Variants in IGSF21 observed in about 807,000 individuals in gnomAD.
IGSF21 encodes the protein immunoglobin superfamily member 21.
A neutral mutation model predicts 46.8 loss-of-function variants in IGSF21; 28 were observed. That is an observed-to-expected ratio of 0.60 (90% CI 0.44 to 0.82). IGSF21 has a LOEUF of 0.82. Ranked by LOEUF, IGSF21 falls within the 40% of genes least tolerant of loss-of-function variation. IGSF21 has a pLI of 0.00. For synonymous variants in IGSF21, 284 were observed against 273.6 expected (o/e 1.04, Z -0.38); for missense variants, 624 against 665.5 (o/e 0.94, Z 0.69).
At chr1:18,259,662 C>G (rs977974416) in intron 2 of IGSF21, among the ~76,000 whole-genome samples, 1 of 152,042 alleles carries the variant, frequency 6.6e-6, no homozygotes, top group African/African-American at 2.4e-5. Flanking sequence ...GGATGAGGCT[C>G]AAGGAGGAAG....
chr1:18,205,822 C>T (rs768056600), intron 1 of IGSF21, among the ~76,000 whole-genome samples: 24 of 152,196 alleles, frequency 1.6e-4, no homozygotes, highest in Non-Finnish European at 2.9e-4. Context: ...ATTCTACCTA[C>T]GGGGTTCTTT....
At chr1:18,278,927 T>C (rs2085131479) in intron 2 of IGSF21, 2 of 471,352 alleles carry the variant, frequency 4.2e-6, no homozygotes, top group African/African-American at 2.0e-5. Flanking sequence ...TTTTACACTT[T>C]CCTGCATGTT....
chr1:18,132,258 A>G (rs1045957802), intron 1 of IGSF21, among the ~76,000 whole-genome samples: 3 of 152,150 alleles, frequency 2.0e-5, no homozygotes, highest in Non-Finnish European at 4.4e-5. Context: ...ATGACCTATG[A>G]CAAACACACT....
At chr1:18,229,091 A>G (rs2084598761) in intron 2 of IGSF21, among the ~76,000 whole-genome samples, 1 of 152,206 alleles carries the variant, frequency 6.6e-6, no homozygotes, top group South Asian at 2.1e-4. Context: ...GACTTGGTTC[A>G]TGGGCTATAG....
intron 1 of IGSF21, chr1:18,115,143 C>A (rs1000953031): frequency 6.6e-6 from 1 of 152,574 alleles, no homozygotes; most frequent in Non-Finnish European, 1.5e-5. Context: ...CATCCTCCAC[C>A]TCCTCCCCCA....
Position 18,335,727 on chromosome 1 carries a change from C to T in IGSF21, c.424+717C>T, listed in dbSNP as rs546520311. ...TCTCCGGTTTTCTTATCAAATAATA[C>T]GTATCAGGGAAACAAAGCTTGCGGT... On this transcript the variant is annotated intron_variant, in intron 4 of 9. Coordinates refer to ENST00000251296, the MANE Select transcript of IGSF21 (RefSeq NM_032880.5). This position sits in a 1 kb window ranked among gnomAD's most constrained non-coding sequence, Gnocchi z 4.8. 1.1e-4 allele frequency among the ~76,000 whole-genome samples: 16 copies of T among 152,252 alleles called. No individual in the cohort carries two copies. The highest frequency in any genetic ancestry group is 4.2e-4 in the South Asian group (2 of 4,816).
At chr1:18,185,527 G>T (rs894560377) in intron 1 of IGSF21, among the ~76,000 whole-genome samples, 1 of 152,224 alleles carries the variant, frequency 6.6e-6, no homozygotes, top group African/African-American at 2.4e-5. Context: ...GCTGCAGGTT[G>T]TGCAGCCTAT....
chr1:18,231,082 G>A (rs1357824554), intron 2 of IGSF21, among the ~76,000 whole-genome samples: 1 of 152,186 alleles, frequency 6.6e-6, no homozygotes, highest in African/African-American at 2.4e-5. Flanking sequence ...GCCCAGTCAG[G>A]ACTGTGGCTC....
At chr1:18,239,011 G>T (rs1376781170) in intron 2 of IGSF21, among the ~76,000 whole-genome samples, 3 of 152,156 alleles carry the variant, frequency 2.0e-5, no homozygotes, top group Admixed American at 6.5e-5. Context: ...TGCCTCCCAG[G>T]TCAGGGCACC....
chr1:18,341,118 CCTT>C (rs1286554239), intron 4 of IGSF21, among the ~76,000 whole-genome samples: 126 of 147,836 alleles, frequency 8.5e-4, no homozygotes, highest in Middle Eastern at 3.4e-3. Flanking sequence ...CCCTCCTTCT[CCTT>C]CTTCTTCTCT....
intron 9 of IGSF21, among the ~76,000 whole-genome samples, 158 bp downstream of exon 9, chr1:18,377,589 G>T (rs1408665529): frequency 2.0e-5 from 3 of 152,150 alleles, no homozygotes; most frequent in Non-Finnish European, 4.4e-5. Flanking sequence ...AGGGTCCAAA[G>T]TGGGCAGAGG....
At chr1:18,347,593 G>C (rs544219362) in intron 4 of IGSF21, among the ~76,000 whole-genome samples, 11 of 152,324 alleles carry the variant, frequency 7.2e-5, no homozygotes, top group African/African-American at 2.6e-4. Flanking sequence ...AGGAAGGCTA[G>C]AGTTTGAATC....
At chr1:18,327,413 C>T (rs536461173) in intron 3 of IGSF21, among the ~76,000 whole-genome samples, 1 of 152,264 alleles carries the variant, frequency 6.6e-6, no homozygotes, top group East Asian at 1.9e-4. Context: ...CACACAGCAC[C>T]TCTCCCTGGG....
rs547385074 is a variant in IGSF21 at position 18,214,119 on chromosome 1, A to G, written c.71-13779A>G. Among the ~76,000 whole-genome samples, 21 of 152,366 alleles carry G rather than the reference A, an allele frequency of 1.4e-4. 1 individual carries two copies. In the South Asian group the frequency reaches 4.3e-3, roughly 32 times the overall value. On this transcript the variant is annotated intron_variant, in intron 1 of 9. Coordinates refer to ENST00000251296, the MANE Select transcript of IGSF21 (RefSeq NM_032880.5). ...CATATTAATAATAAATAAACAAACT[A>G]ATGATAAATAATACATACATCATGA... is the stretch of plus-strand genomic sequence containing the variant.
chr1:18,283,855 C>G (rs989325703), intron 2 of IGSF21, among the ~76,000 whole-genome samples: 7 of 152,286 alleles, frequency 4.6e-5, no homozygotes, highest in African/African-American at 1.7e-4. Flanking sequence ...CATCCCTTCT[C>G]TGGCCATGGG....
intron 2 of IGSF21, among the ~76,000 whole-genome samples, chr1:18,255,747 T>G (rs1238057348): frequency 2.0e-5 from 3 of 152,150 alleles, no homozygotes; most frequent in African/African-American, 7.2e-5. Flanking sequence ...CCAAGTCTTG[T>G]CAATTCCACT....
At chr1:18,376,504 C>A in intron 7 of IGSF21, 109 bp downstream of exon 7, 2 of 858,104 alleles carry the variant, frequency 2.3e-6, no homozygotes, top group Non-Finnish European at 4.0e-6. Context: ...TGATCCCCAG[C>A]CACATCCAGT....
chr1:18,299,592 A>C (rs2124573543), intron 3 of IGSF21, among the ~76,000 whole-genome samples: 1 of 152,298 alleles, frequency 6.6e-6, no homozygotes, highest in Admixed American at 6.5e-5. Context: ...ACCACTCAGC[A>C]AACACACGTT....
chr1:18,249,267 G>A (rs895651588), intron 2 of IGSF21, among the ~76,000 whole-genome samples: 7 of 152,152 alleles, frequency 4.6e-5, no homozygotes, highest in South Asian at 2.1e-4. Flanking sequence ...GAGGGTGGGA[G>A]GTGTAAGGAC....
Sources: gnomAD v4.1 joint callset for allele counts (sites outside exome capture counted in the v4.1 genomes callset) on GRCh38, gnomAD v4.1.1 for gene constraint, Gnocchi (gnomAD v3.1) non-coding constraint, MANE v1.5 for transcripts, NCBI Gene and HGNC (gene_info 2026-07-23, HGNC 2026-07-21) for gene names.